The following ALG11 variants were observed in gnomAD, a reference collection of about 807,000 sequenced individuals.
The protein encoded by ALG11 is GDP-Man:Man(3)GlcNAc(2)-PP-Dol alpha-1,2-mannosyltransferase.
In ALG11, 26 loss-of-function variants were observed where a neutral mutation model predicts 38.8. The observed-to-expected ratio is 0.67, with a 90% CI of 0.49 to 0.93. The LOEUF (loss-of-function observed/expected upper bound fraction) is 0.93, where lower values mean the gene tolerates loss of function less well. Among genes scored for constraint, ALG11 ranks in the 40% least tolerant of loss-of-function variants. The probability of loss-of-function intolerance (pLI) is 0.00; values close to 1 mark genes in which losing one functional copy is unlikely to be tolerated. For synonymous variants in ALG11, 199 were observed against 211.6 expected (o/e 0.94, Z 0.52); for missense variants, 535 against 578.8 (o/e 0.92, Z 0.78).
In ALG11 at chr13:52,031,891, G is replaced by A. The variant is rs1954309770; in HGVS notation, c.*3301G>A. 3 of 167,040 alleles carry A rather than the reference G, an allele frequency of 1.8e-5. No individual in the cohort carries two copies. In the South Asian group the frequency reaches 6.2e-4, roughly 35 times the overall value. 10.3% of individuals were successfully genotyped at this position (167,040 alleles called of 1,614,324 possible). On this transcript the variant is annotated 3_prime_UTR_variant, in exon 4 of 4. Transcript: ENST00000521508. The stretch of plus-strand genomic sequence containing the variant: ...CAGTCCTTACTACCTTTTAGAGTTG[G>A]AATGAGATGGAAAGTAGATGAAACT...
At chr13:52,016,248 T>G (rs1395442929) in intron 1 of ALG11, 2 of 152,190 alleles carry the variant, frequency 1.3e-5, no homozygotes, top group Non-Finnish European at 2.9e-5. Flanking sequence ...TTAAAAGCAT[T>G]CCATTTTAAA....
At chr13:52,019,179 T>C in intron 2 of ALG11, 36 bp downstream of exon 2, 2 of 1,507,976 alleles carry the variant, frequency 1.3e-6, no homozygotes, top group East Asian at 2.3e-5. Flanking sequence ...TTTGCTATAT[T>C]GTTCCATTTC....
chr13:52,019,512 T>C (rs933940952), intron 2 of ALG11, among the ~76,000 whole-genome samples: 18 of 152,334 alleles, frequency 1.2e-4, no homozygotes, highest in East Asian at 5.8e-4. Flanking sequence ...TGAGCCACCG[T>C]GCCCGGCCTC....
At chr13:52,018,809 CT>C in intron 1 of ALG11, 103 bp from the exon 2 acceptor site, 1 of 946,592 alleles carries the variant, frequency 1.1e-6, no homozygotes, top group Non-Finnish European at 1.6e-6. Flanking sequence ...ACAATTCTCT[CT>C]TTGTTACTAA....
In ALG11 at chr13:52,024,876, G is replaced by A; in HGVS notation, c.1146G>A (p.Lys382=). Residue 382 remains lysine, a synonymous_variant, in exon 3 of 4, where the codon AAG becomes AAA. Coordinates refer to ENST00000521508, the MANE Select transcript of ALG11 (RefSeq NM_001004127.3). ...TAAACATTCCATTTGATGAATTAAA[G>A]AATTATTTGTCTGAAGCAACAATTG... ...FKINIPFDEL[K]NYLSEATIGL... is the part of the protein sequence containing the mutation. The A allele has an allele frequency of 6.2e-7, 1 of 1,613,760 alleles. No individual in the cohort carries two copies. The highest frequency in any genetic ancestry group is 8.5e-7 in the Non-Finnish European group (1 of 1,180,024).
rs1281728953 is a variant in ALG11 at position 52,028,810 on chromosome 13, T to C, written c.*220T>C. Reference sequence around the variant, plus strand: ...GAGAGAGGCTGGCTGCTGAGATGAATGTGAACCAGGTTGCAGAGAATCTGG... The same window carrying C: ...GAGAGAGGCTGGCTGCTGAGATGAACGTGAACCAGGTTGCAGAGAATCTGG... On this transcript the variant is annotated 3_prime_UTR_variant, in exon 4 of 4. Coordinates refer to ENST00000521508, the MANE Select transcript of ALG11 (RefSeq NM_001004127.3). 4.3e-6 allele frequency: 7 copies of C among 1,614,108 alleles called. No homozygotes were observed. Among genetic ancestry groups the C allele is most frequent in the East Asian group, 2.2e-5 (1 of 44,888 alleles).
Position 52,029,796 on chromosome 13 carries a change from A to G in ALG11, c.*1206A>G. On this transcript the variant is annotated 3_prime_UTR_variant, in exon 4 of 4. Coordinates refer to ENST00000521508, the MANE Select transcript of ALG11 (RefSeq NM_001004127.3). ...CAGGAACAGTTGGCCAAGAACAAAG[A>G]ACTGACACAGAAACTCCAGGTAGCC... 1 of 1,614,212 alleles carries G rather than the reference A, an allele frequency of 6.2e-7. No individual in the cohort carries two copies. The highest frequency in any genetic ancestry group is 8.5e-7 in the Non-Finnish European group (1 of 1,180,040).
chr13:52,031,069 A>T lies in ALG11; in HGVS notation c.*2479A>T. The stretch of plus-strand genomic sequence containing the variant: ...CTGTCATACAGAGGAATCCAAAACG[A>T]ATCACCACACGTCACAATAAAGAAG... On this transcript the variant is annotated 3_prime_UTR_variant, in exon 4 of 4. Coordinates refer to ENST00000521508, the MANE Select transcript of ALG11 (RefSeq NM_001004127.3). The T allele has an allele frequency of 2.5e-6, 4 of 1,613,954 alleles. No individual in the cohort carries two copies. The highest frequency in any genetic ancestry group is 3.4e-6 in the Non-Finnish European group (4 of 1,179,902).
intron 1 of ALG11, among the ~76,000 whole-genome samples, chr13:52,015,131 A>T (rs1954124389): frequency 6.6e-6 from 1 of 152,254 alleles, no homozygotes; most frequent in African/African-American, 2.4e-5. Flanking sequence ...GGCCAGGTGC[A>T]GCAGCTCATG....
rs751903518 is a variant in ALG11 at position 52,029,525 on chromosome 13, C to T, written c.*935C>T. The T allele has an allele frequency of 2.4e-5, 39 of 1,613,640 alleles. No homozygotes were observed. The highest frequency in any genetic ancestry group is 2.8e-5 in the Non-Finnish European group (33 of 1,179,994). On this transcript the variant is annotated 3_prime_UTR_variant, in exon 4 of 4. Transcript: ENST00000521508. ...GCAGTCCTACTATGAGGCCAAGGCT[C>T]GAAAAGAGAAGAAAATCAAAAGTAA...
chr13:52,025,764 C>T (rs546556626), intron 3 of ALG11, among the ~76,000 whole-genome samples: 2 of 152,330 alleles, frequency 1.3e-5, no homozygotes, highest in South Asian at 4.1e-4. Flanking sequence ...GCGCTTTGTG[C>T]CTCACACTGT....
In ALG11 at chr13:52,028,919, G is replaced by A; in HGVS notation, c.*329G>A. On this transcript the variant is annotated 3_prime_UTR_variant, in exon 4 of 4. Transcript: ENST00000521508. ...TGAAGATGAGGGGGACAGTGATGGAGAGAGAAAGCATCAAAAGCTTCTGGA... is the reference window on the plus strand; with the variant it reads ...TGAAGATGAGGGGGACAGTGATGGAAAGAGAAAGCATCAAAAGCTTCTGGA... 6.2e-7 allele frequency: 1 copy of A among 1,614,230 alleles called. No individual in the cohort carries two copies. The highest frequency in any genetic ancestry group is 8.5e-7 in the Non-Finnish European group (1 of 1,180,048).
chr13:52,025,521 C>T (rs1473114808), intron 3 of ALG11, among the ~76,000 whole-genome samples: 10 of 152,218 alleles, frequency 6.6e-5, no homozygotes, highest in African/African-American at 2.2e-4. Context: ...TGCATAGGGG[C>T]TTCTCACAGT....
chr13:52,032,248 T>G lies in ALG11; in HGVS notation c.*3658T>G, dbSNP rs762236385. On this transcript the variant is annotated 3_prime_UTR_variant, in exon 4 of 4. Coordinates refer to ENST00000521508, the MANE Select transcript of ALG11 (RefSeq NM_001004127.3). ...AAAAGAAAAAAAGGAAAAAGAAAAT[T>G]ATGAGAGTTACTTAAAGGTAACATC... 1.2e-5 allele frequency: 2 copies of G among 164,894 alleles called. No homozygotes were observed. The highest frequency in any genetic ancestry group is 2.4e-5 in the African/African-American group (1 of 41,440). 10.2% of individuals were successfully genotyped at this position (164,894 alleles called of 1,614,324 possible).
chr13:52,030,542 G>C lies in ALG11; in HGVS notation c.*1952G>C, dbSNP rs745998462. The C allele has an allele frequency of 6.8e-6, 11 of 1,614,056 alleles. No individual in the cohort carries two copies. The highest frequency in any genetic ancestry group is 3.3e-5 in the Admixed American group (2 of 60,008). ...GTCTTTGGCAGTTCCCACAATAATA[G>C]AGGAGCTGGAAGATGAAGAGGAGAG... On this transcript the variant is annotated 3_prime_UTR_variant, in exon 4 of 4. Transcript: ENST00000521508.
At chr13:52,012,722 CT>C (rs1282397506) in intron 1 of ALG11, among the ~76,000 whole-genome samples, 1 of 151,356 alleles carries the variant, frequency 6.6e-6, no homozygotes, top group Non-Finnish European at 1.5e-5. Context: ...CCTGCTTCAG[CT>C]TTTTTTTTCC....
At position 52,030,417 on chromosome 13, in the gene ALG11, G is replaced by A. The variant is rs1173660049; in HGVS notation, c.*1827G>A. ...GTGTTAGAAGGACAGCAGTCAGAGA[G>A]GACCCCAAATAATCGGCCTGATGCC... On this transcript the variant is annotated 3_prime_UTR_variant, in exon 4 of 4. Coordinates refer to ENST00000521508, the MANE Select transcript of ALG11 (RefSeq NM_001004127.3). 2 of 1,614,204 alleles carry A rather than the reference G, an allele frequency of 1.2e-6. No homozygotes were observed. Among genetic ancestry groups the A allele is most frequent in the East Asian group, 2.2e-5 (1 of 44,878 alleles).
At chr13:52,023,188 G>A (rs186952574) in intron 2 of ALG11, 3 of 152,100 alleles carry the variant, frequency 2.0e-5, no homozygotes, top group Admixed American at 1.3e-4. Context: ...CTTAATTCTT[G>A]TTTATAGTAT....
In ALG11 at chr13:52,030,759, C is replaced by T; in HGVS notation, c.*2169C>T. 1.2e-6 allele frequency: 2 copies of T among 1,614,198 alleles called. No individual in the cohort carries two copies. The highest frequency in any genetic ancestry group is 1.3e-5 in the African/African-American group (1 of 75,040). On this transcript the variant is annotated 3_prime_UTR_variant, in exon 4 of 4. Transcript: ENST00000521508. ...AAAAGACGCCAGTTTCTCATTAAAGCCCCTGAGGGTCCTCCAAGAAAAGAT... is the reference window on the plus strand; with the variant it reads ...AAAAGACGCCAGTTTCTCATTAAAGTCCCTGAGGGTCCTCCAAGAAAAGAT...
Sources: allele counts gnomAD v4.1 joint callset (sites outside exome capture counted in the v4.1 genomes callset), GRCh38; gene constraint gnomAD v4.1.1; transcripts MANE v1.5; gene names NCBI Gene and HGNC (gene_info 2026-07-23, HGNC 2026-07-21).